The following BACE2 variants were observed in gnomAD, a reference collection of about 807,000 sequenced individuals.
The protein encoded by BACE2 is 56 kDa aspartic-like protease.
In BACE2, 17 loss-of-function variants were observed where a neutral mutation model predicts 46.2. The observed-to-expected ratio is 0.37, with a 90% CI of 0.25 to 0.55. The LOEUF (loss-of-function observed/expected upper bound fraction) is 0.55. BACE2 is among the 20% of genes least tolerant of loss of function. The pLI is 0.82. For synonymous variants in BACE2, 277 were observed against 295.9 expected (o/e 0.94, Z 0.66); for missense variants, 595 against 698.1 (o/e 0.85, Z 1.66).
intron 1 of BACE2, chr21:41,182,486 A>G (rs1389526706): frequency 6.0e-6 from 1 of 166,758 alleles, no homozygotes; most frequent in African/African-American, 2.4e-5. Flanking sequence ...TTTTATTTTT[A>G]TATTGGAGGG....
intron 2 of BACE2, among the ~76,000 whole-genome samples, chr21:41,235,198 A>T (rs1314892472): frequency 6.6e-6 from 1 of 152,184 alleles, no homozygotes; most frequent in Non-Finnish European, 1.5e-5. Flanking sequence ...TTAATATTTG[A>T]GTGTAATAAA....
chr21:41,252,601 T>G (rs902563229), intron 7 of BACE2: 3 of 152,230 alleles, frequency 2.0e-5, no homozygotes, highest in Non-Finnish European at 4.4e-5. Context: ...TAATTATAAA[T>G]TCCTTGAAGG....
chr21:41,231,118 T>G lies in BACE2; in HGVS notation c.401+4764T>G, dbSNP rs564119185. Among the ~76,000 whole-genome samples the G allele has an allele frequency of 1.8e-4, 28 of 152,364 alleles. 1 individual carries two copies. The highest frequency in any genetic ancestry group is 1.5e-3 in the Admixed American group (23 of 15,304). On this transcript the variant is annotated intron_variant, in intron 2 of 8. Transcript: ENST00000330333. ...AAACTGGATACAGATCAAATGGCTT[T>G]CCATTCAATGAGGACAGATATTTTT... is the stretch of plus-strand genomic sequence containing the variant.
chr21:41,190,221 C>T (rs1258048470), intron 1 of BACE2, among the ~76,000 whole-genome samples: 2 of 152,132 alleles, frequency 1.3e-5, no homozygotes, highest in African/African-American at 4.8e-5. Flanking sequence ...CAACTTGAAC[C>T]CATACACATC....
chr21:41,205,107 C>T (rs1254016608), intron 1 of BACE2, among the ~76,000 whole-genome samples: 1 of 152,006 alleles, frequency 6.6e-6, no homozygotes, highest in Non-Finnish European at 1.5e-5. Flanking sequence ...AGATCCCATG[C>T]AAAAAGATTA....
chr21:41,230,380 A>G (rs1383903817), intron 2 of BACE2, among the ~76,000 whole-genome samples: 2 of 152,352 alleles, frequency 1.3e-5, no homozygotes, highest in East Asian at 3.9e-4. Flanking sequence ...TTTTCTTTCA[A>G]TGTCAATTAT....
At position 41,241,944 on chromosome 21, in the gene BACE2, T is replaced by A. The variant is rs1297080605; in HGVS notation, c.744T>A (p.Ser248Arg). 1 of 1,613,976 alleles carries A rather than the reference T, an allele frequency of 6.2e-7. No individual in the cohort carries two copies. Among genetic ancestry groups the A allele is most frequent in the African/African-American group, 1.3e-5 (1 of 74,910 alleles). Residue 248 changes from serine to arginine, a missense_variant, in exon 4 of 9, where the codon AGT (serine) becomes AGA (arginine). Transcript: ENST00000330333. ...CTGGATCTGGGACCAACGGAGGTAG[T>A]CTTGTGGGTATCTTTTAGTCTTAAA... ...PVAGSGTNGG[S>R]LVLGGIEPSL... is the part of the protein sequence containing the mutation.
At chr21:41,262,226 A>T (rs1024827534) in intron 8 of BACE2, among the ~76,000 whole-genome samples, 2 of 152,180 alleles carry the variant, frequency 1.3e-5, no homozygotes, top group Non-Finnish European at 2.9e-5. Flanking sequence ...CTAATGATAT[A>T]CCGCATTGAT....
rs371254480 is a variant in BACE2 at position 41,257,256 on chromosome 21, G to A, written c.1233G>A (p.Val411=). ...STNALVIGAT[V]MEGFYVIFDR... ...ATGCGCTGGTGATCGGTGCCACGGT[G>A]ATGGAGGGCTTCTACGTCATCTTCG... is the stretch of plus-strand genomic sequence containing the variant. The change falls in exon 8 of 9, where the codon GTG becomes GTA. Residue 411 remains valine, a synonymous_variant. Transcript: ENST00000330333. 1.2e-4 allele frequency: 198 copies of A among 1,614,106 alleles called. 1 individual carries two copies. The highest frequency in any genetic ancestry group is 1.6e-4 in the Non-Finnish European group (194 of 1,180,046).
At chr21:41,206,285 G>A (rs548441295) in intron 1 of BACE2, among the ~76,000 whole-genome samples, 28 of 152,194 alleles carry the variant, frequency 1.8e-4, no homozygotes, top group East Asian at 3.9e-4. Context: ...GAGCTCCTCC[G>A]TCCTTTTTAT....
chr21:41,256,751 G>A (rs1343464567), intron 7 of BACE2, among the ~76,000 whole-genome samples: 1 of 152,078 alleles, frequency 6.6e-6, no homozygotes, highest in Non-Finnish European at 1.5e-5. Flanking sequence ...ATAAAACCAG[G>A]CTGTGCCCTA....
intron 3 of BACE2, among the ~76,000 whole-genome samples, chr21:41,238,337 A>G (rs2837978): frequency 0.026 from 3,999 of 152,308 alleles, 165 homozygotes; most frequent in African/African-American, 0.09. Context: ...GAAAGACAGA[A>G]TTGGATGTTC....
chr21:41,278,260 T>C lies in BACE2; in HGVS notation c.*2636T>C, dbSNP rs965155047. 5 of 152,258 alleles carry C rather than the reference T, an allele frequency of 3.3e-5. No individual in the cohort carries two copies. Among genetic ancestry groups the C allele is most frequent in the African/African-American group, 1.2e-4 (5 of 41,460 alleles). 9.4% of individuals were successfully genotyped at this position (152,258 alleles called of 1,614,324 possible). A position where few individuals can be genotyped will look rare whatever the true frequency, so the allele number is the denominator to read the frequency against. ...TGCTTTATTTCCTTGATAACTTCTT[T>C]GGAAGTCTGAAATAAATCCTGCCTT... On this transcript the variant is annotated 3_prime_UTR_variant, in exon 9 of 9. Coordinates refer to ENST00000330333, the MANE Select transcript of BACE2 (RefSeq NM_012105.5).
chr21:41,237,943 C>A (rs998935646), intron 3 of BACE2, among the ~76,000 whole-genome samples: 2 of 152,188 alleles, frequency 1.3e-5, no homozygotes, highest in Non-Finnish European at 1.5e-5. Context: ...GTAAGACAGG[C>A]AATAGCATTA....
At chr21:41,228,914 A>G (rs937104881) in intron 2 of BACE2, among the ~76,000 whole-genome samples, 3 of 152,164 alleles carry the variant, frequency 2.0e-5, no homozygotes, top group African/African-American at 7.2e-5. Flanking sequence ...TGTAGAAAAG[A>G]TGGTATGCAT....
At chr21:41,225,641 G>C (rs1326231402) in intron 1 of BACE2, 1 of 152,376 alleles carries the variant, frequency 6.6e-6, no homozygotes, top group Non-Finnish European at 1.5e-5. Flanking sequence ...GGAACCTTTT[G>C]AGGTGAATAG....
At chr21:41,266,739 T>C (rs1157212193) in intron 8 of BACE2, among the ~76,000 whole-genome samples, 1 of 152,224 alleles carries the variant, frequency 6.6e-6, no homozygotes, top group Non-Finnish European at 1.5e-5. Flanking sequence ...CAGGGTCAAG[T>C]CTCTCACCCC....
At chr21:41,236,386 G>T (rs554572514) in intron 2 of BACE2, among the ~76,000 whole-genome samples, 1 of 152,116 alleles carries the variant, frequency 6.6e-6, no homozygotes, top group African/African-American at 2.4e-5. Flanking sequence ...GGTGGCTCTC[G>T]TCCCGTAACC....
intron 2 of BACE2, among the ~76,000 whole-genome samples, chr21:41,230,794 T>C (rs1340524729): frequency 6.6e-6 from 1 of 152,144 alleles, no homozygotes; most frequent in African/African-American, 2.4e-5. Flanking sequence ...CTTTTCATGG[T>C]GGTGAATGTT....
Sources: allele counts gnomAD v4.1 joint callset (sites outside exome capture counted in the v4.1 genomes callset), GRCh38; gene constraint gnomAD v4.1.1; transcripts MANE v1.5; gene names NCBI Gene and HGNC (gene_info 2026-07-23, HGNC 2026-07-21).